Variants in CSMD1 observed in about 807,000 individuals in gnomAD.
CSMD1 encodes the protein CUB and sushi domain-containing protein 1.
CSMD1 carries 213 observed loss-of-function variants against 417.5 expected under a neutral mutation model. The observed-to-expected ratio is 0.51, with a 90% CI of 0.46 to 0.57. CSMD1 has a LOEUF of 0.57. Ranked by LOEUF, CSMD1 falls within the 20% of genes least tolerant of loss-of-function variation. CSMD1 has a pLI of 0.00. For missense variants in CSMD1, 6,923 were observed against 4,529.7 expected, an observed-to-expected ratio of 1.53 and a Z score of -15.17; for synonymous variants, 2,862 against 1,736.8, an observed-to-expected ratio of 1.65 and a Z score of -16.11.
Position 4,798,186 on chromosome 8 carries a change from C to T in CSMD1, c.86-160628G>A, listed in dbSNP as rs7814893. 4.3e-3 allele frequency among the ~76,000 whole-genome samples: 653 copies of T among 152,196 alleles called. 6 individuals carry two copies. Among genetic ancestry groups the T allele is most frequent in the African/African-American group, 0.014 (582 of 41,508 alleles). ...ACTTCCCCCACCCAATGACAGGCCC[C>T]GGTGTGTGATGTTCCCCTTCTTGTG... On this transcript the variant is annotated intron_variant, in intron 1 of 69. Transcript: ENST00000635120.
chr8:4,105,743 A>C (rs547134623), intron 3 of CSMD1, among the ~76,000 whole-genome samples: 1 of 152,334 alleles, frequency 6.6e-6, no homozygotes, highest in East Asian at 1.9e-4. Context: ...TCTGGATCGT[A>C]GTAAACATAA....
intron 3 of CSMD1, among the ~76,000 whole-genome samples, chr8:4,196,571 G>C (rs1310001924): frequency 3.9e-5 from 6 of 152,110 alleles, no homozygotes; most frequent in Non-Finnish European, 5.9e-5. Context: ...AGCCTCAAAA[G>C]ACTACCACAT....
At chr8:3,516,700 T>G (rs1487390576) in intron 10 of CSMD1, among the ~76,000 whole-genome samples, 2 of 152,172 alleles carry the variant, frequency 1.3e-5, no homozygotes, top group Non-Finnish European at 2.9e-5. Flanking sequence ...CATGAGAAAG[T>G]TCTTTGGTGG....
chr8:4,040,988 A>C (rs546342717), intron 3 of CSMD1, among the ~76,000 whole-genome samples: 1 of 122,822 alleles, frequency 8.1e-6, no homozygotes, highest in Admixed American at 7.5e-5. Flanking sequence ...ACGTGGTCCT[A>C]TATTTTCTTT....
At chr8:4,376,665 T>C (rs765999639) in intron 3 of CSMD1, among the ~76,000 whole-genome samples, 1 of 152,228 alleles carries the variant, frequency 6.6e-6, no homozygotes, top group Non-Finnish European at 1.5e-5. Flanking sequence ...CGTGCTCATA[T>C]CACACCGTTG....
intron 2 of CSMD1, among the ~76,000 whole-genome samples, chr8:4,601,416 C>T (rs1800573417): frequency 6.6e-6 from 1 of 152,174 alleles, no homozygotes; most frequent in South Asian, 2.1e-4. Context: ...TAGTTCTTCA[C>T]AGCCTCAGAC....
At chr8:4,103,267 A>ATATATG (rs1037343529) in intron 3 of CSMD1, among the ~76,000 whole-genome samples, 1 of 150,860 alleles carries the variant, frequency 6.6e-6, no homozygotes. Context: ...TACATACATT[A>ATATATG]TATATATCAT....
intron 5 of CSMD1, among the ~76,000 whole-genome samples, chr8:3,997,574 T>A (rs193070869): frequency 1.3e-5 from 2 of 152,290 alleles, no homozygotes; most frequent in African/African-American, 4.8e-5. Context: ...AATCTAAAAA[T>A]CTCTGCTCAC....
At chr8:4,653,060 G>T (rs903716103) in intron 1 of CSMD1, among the ~76,000 whole-genome samples, 1 of 152,004 alleles carries the variant, frequency 6.6e-6, no homozygotes, top group Non-Finnish European at 1.5e-5. Flanking sequence ...CCAGGGCTTG[G>T]GGACCCCGCT....
At chr8:3,671,805 G>C (rs1307108082) in intron 7 of CSMD1, among the ~76,000 whole-genome samples, 2 of 151,760 alleles carry the variant, frequency 1.3e-5, no homozygotes, top group Non-Finnish European at 2.9e-5. Context: ...TGGGCTTGGA[G>C]CCTAGAACTT....
chr8:3,719,297 G>T (rs80197719), intron 6 of CSMD1, among the ~76,000 whole-genome samples: 1 of 152,110 alleles, frequency 6.6e-6, no homozygotes, highest in Non-Finnish European at 1.5e-5. Context: ...CACTGCCCTA[G>T]AGGCCCAGAT....
intron 10 of CSMD1, among the ~76,000 whole-genome samples, chr8:3,516,074 T>C (rs1797270301): frequency 6.6e-6 from 1 of 151,948 alleles, no homozygotes; most frequent in Admixed American, 6.5e-5. Context: ...ACTGGGAAAC[T>C]GGAGCTCAGA....
chr8:4,670,692 G>C (rs934270078), intron 1 of CSMD1, among the ~76,000 whole-genome samples: 2 of 152,126 alleles, frequency 1.3e-5, no homozygotes, highest in African/African-American at 4.8e-5. Flanking sequence ...AGGTTTGATA[G>C]GATTCACGTC....
At chr8:3,934,489 A>T (rs1253102260) in intron 5 of CSMD1, among the ~76,000 whole-genome samples, 2 of 152,144 alleles carry the variant, frequency 1.3e-5, no homozygotes, top group African/African-American at 4.8e-5. Flanking sequence ...AAGTATTTTT[A>T]ATAATTGAAG....
chr8:4,800,646 G>A (rs112701239), intron 1 of CSMD1, among the ~76,000 whole-genome samples: 1 of 152,184 alleles, frequency 6.6e-6, no homozygotes, highest in South Asian at 2.1e-4. Context: ...CAATCCCCCA[G>A]GGGGCTGTGG....
intron 5 of CSMD1, among the ~76,000 whole-genome samples, chr8:3,786,198 G>A (rs76101838): frequency 3.3e-5 from 5 of 152,048 alleles, no homozygotes; most frequent in Non-Finnish European, 7.4e-5. Context: ...GATCTCCCCT[G>A]TTATTTTGGG....
chr8:3,459,730 A>G (rs1384409007), intron 12 of CSMD1, among the ~76,000 whole-genome samples: 5 of 152,154 alleles, frequency 3.3e-5, no homozygotes, highest in African/African-American at 1.2e-4. Flanking sequence ...CAGGGACCCA[A>G]GCACTCAAGA....
chr8:4,516,420 C>G (rs1803126965), intron 2 of CSMD1, among the ~76,000 whole-genome samples: 1 of 152,194 alleles, frequency 6.6e-6, no homozygotes, highest in Non-Finnish European at 1.5e-5. Flanking sequence ...CTGCTGGTGT[C>G]CATGGAAGGC....
intron 5 of CSMD1, among the ~76,000 whole-genome samples, chr8:3,913,061 G>C (rs775102438): frequency 6.6e-6 from 1 of 152,118 alleles, no homozygotes; most frequent in Non-Finnish European, 1.5e-5. Flanking sequence ...AGGGCAACAT[G>C]GCAGCACTAG....
Sources: gnomAD v4.1 joint callset for allele counts (sites outside exome capture counted in the v4.1 genomes callset) on GRCh38, gnomAD v4.1.1 for gene constraint, MANE v1.5 for transcripts, NCBI Gene and HGNC (gene_info 2026-07-23, HGNC 2026-07-21) for gene names.